ANXA1: variants seen among roughly 807,000 people sequenced by gnomAD.
ANXA1 encodes annexin A1, also known as annexin I (lipocortin I).
Under a neutral mutation model 47.9 loss-of-function variants are expected in ANXA1, and 39 were observed. That is an observed-to-expected ratio of 0.81 (90% confidence interval 0.63 to 1.06). The LOEUF is 1.06. Ranked by LOEUF, ANXA1 falls within the 50% of genes least tolerant of loss-of-function variation. The pLI is 0.00. For synonymous variants in ANXA1, 146 were observed against 142.5 expected (o/e 1.02, Z -0.17); for missense variants, 446 against 422.7 (o/e 1.06, Z -0.48).
intron 8 of ANXA1, 25 bp from the exon 9 acceptor site, chr9:73,165,091 T>G (rs1390923025): frequency 6.4e-7 from 1 of 1,564,366 alleles, no homozygotes; most frequent in South Asian, 1.1e-5. Context: ...GATAGTGAAG[T>G]GTTTACTTTT....
In ANXA1 at chr9:73,162,829, G is replaced by A. The variant is rs1353862037; in HGVS notation, c.523G>A (p.Asp175Asn). The change falls in exon 7 of 13, where the codon GAT (aspartate) becomes AAT (asparagine). Residue 175 changes from aspartate to asparagine, a missense_variant. Physicochemically the swap from Asp to Asn is conservative, Grantham distance 23. Transcript: ENST00000257497. ...AGACATAACCTCAGACACATCTGGAGATTTTCGGAACGCTTTGCTTTCTCT... is the reference window on the plus strand; with the variant it reads ...AGACATAACCTCAGACACATCTGGAAATTTTCGGAACGCTTTGCTTTCTCT... The part of the protein sequence containing the change: ...AKDITSDTSG[D>N]FRNALLSLAK... The A allele has an allele frequency of 3.1e-6, 5 of 1,613,208 alleles. No individual in the cohort carries two copies. The highest frequency in any genetic ancestry group is 4.2e-6 in the Non-Finnish European group (5 of 1,179,492).
At chr9:73,161,141 T>A (rs1824136279) in intron 6 of ANXA1, among the ~76,000 whole-genome samples, 1 of 152,172 alleles carries the variant, frequency 6.6e-6, no homozygotes, top group Non-Finnish European at 1.5e-5. Context: ...AATGTTCCTC[T>A]AGGATAAATG....
chr9:73,155,375 A>T (rs901837568), intron 1 of ANXA1, among the ~76,000 whole-genome samples: 1 of 152,226 alleles, frequency 6.6e-6, no homozygotes, highest in African/African-American at 2.4e-5. Flanking sequence ...ACAAACAAAA[A>T]GATAGAAAAA....
chr9:73,153,451 C>T lies in ANXA1; in HGVS notation c.-15+1527C>T, dbSNP rs960045442. Among the ~76,000 whole-genome samples the T allele has an allele frequency of 4.6e-5, 7 of 152,116 alleles. No homozygotes were observed. In the South Asian group the frequency reaches 1.4e-3, roughly 31 times the overall value. Reference sequence around the variant, plus strand: ...TCAGAACAATCCAATTTATATAATGCCTTCCTTCATTATGCTAATTTTCTT... The same window carrying T: ...TCAGAACAATCCAATTTATATAATGTCTTCCTTCATTATGCTAATTTTCTT... On this transcript the variant is annotated intron_variant, in intron 1 of 12. Coordinates refer to ENST00000257497, the MANE Select transcript of ANXA1 (RefSeq NM_000700.3).
intron 7 of ANXA1, among the ~76,000 whole-genome samples, chr9:73,163,103 T>C (rs893375059): frequency 1.3e-5 from 2 of 152,106 alleles, no homozygotes; most frequent in East Asian, 1.9e-4. Flanking sequence ...AGAGACCACA[T>C]GGCAAGAAAG....
chr9:73,169,987 G>A, intron 12 of ANXA1, 64 bp from the exon 13 acceptor site: 1 of 1,237,830 alleles, frequency 8.1e-7, no homozygotes, highest in Admixed American at 2.2e-5. Context: ...TCTTCTATAA[G>A]TAAAAAAAAA....
At chr9:73,162,430 C>G (rs971628588) in intron 6 of ANXA1, among the ~76,000 whole-genome samples, 5 of 152,114 alleles carry the variant, frequency 3.3e-5, no homozygotes. Flanking sequence ...TTCTTTTAAA[C>G]AATTATTTTA....
chr9:73,153,247 G>T (rs60403232), intron 1 of ANXA1, among the ~76,000 whole-genome samples: 2 of 152,114 alleles, frequency 1.3e-5, no homozygotes, highest in Non-Finnish European at 2.9e-5. Flanking sequence ...CAACCAGAAG[G>T]TCTGCAAAGG....
intron 6 of ANXA1, 35 bp from the exon 7 acceptor site, chr9:73,162,747 G>A: frequency 1.3e-6 from 2 of 1,499,602 alleles, no homozygotes; most frequent in Non-Finnish European, 1.8e-6. Flanking sequence ...ATTCATCACT[G>A]GTTTACTATA....
chr9:73,159,068 AG>A (rs1323727574), intron 3 of ANXA1, among the ~76,000 whole-genome samples: 4 of 152,234 alleles, frequency 2.6e-5, no homozygotes, highest in Non-Finnish European at 5.9e-5. Context: ...GTTCACATAT[AG>A]AGTTGCAACT....
intron 10 of ANXA1, among the ~76,000 whole-genome samples, chr9:73,166,437 T>G (rs1824230994): frequency 6.6e-6 from 1 of 152,054 alleles, no homozygotes; most frequent in Admixed American, 6.6e-5. Context: ...GAGCACCTAC[T>G]TATATCAAAC....
At chr9:73,159,255 C>T in intron 3 of ANXA1, 74 bp from the exon 4 acceptor site, 1 of 1,173,752 alleles carries the variant, frequency 8.5e-7, no homozygotes, top group Non-Finnish European at 1.3e-6. Flanking sequence ...TGGAGCATCT[C>T]AGTAATGAAT....
chr9:73,169,470 T>G (rs1018561839), intron 12 of ANXA1, among the ~76,000 whole-genome samples: 2 of 152,144 alleles, frequency 1.3e-5, no homozygotes, highest in Non-Finnish European at 2.9e-5. Context: ...GCCATTAATA[T>G]TTGTCAGAGG....
At chr9:73,157,890 T>C (rs1202359985) in intron 1 of ANXA1, 1 of 152,148 alleles carries the variant, frequency 6.6e-6, no homozygotes, top group Non-Finnish European at 1.5e-5. Context: ...CCCATTAATG[T>C]TTTCCCAAAG....
At chr9:73,156,150 TAA>T (rs199545693) in intron 1 of ANXA1, among the ~76,000 whole-genome samples, 18 of 112,008 alleles carry the variant, frequency 1.6e-4, no homozygotes, top group African/African-American at 9.2e-4. Context: ...ATAAATAATA[TAA>T]ATAAATAAAT....
intron 1 of ANXA1, among the ~76,000 whole-genome samples, chr9:73,152,189 A>G (rs1823983084): frequency 6.6e-6 from 1 of 152,216 alleles, no homozygotes. Context: ...TTGGTAAGTT[A>G]CCATGAGAAA....
In ANXA1 at chr9:73,157,895, C is replaced by T. The variant is rs796758902; in HGVS notation, c.-14-627C>T. The T allele has an allele frequency of 1.1e-4, 17 of 152,210 alleles. 2 individuals carry two copies. Among genetic ancestry groups the T allele is most frequent in the African/African-American group, 4.1e-4 (17 of 41,530 alleles). The allele number at this position is 152,210 out of a possible 1,614,324, so 9.4% of individuals were successfully genotyped here. ...CAAAAAGAAACCCATTAATGTTTTCCCAAAGCTTTGTGGACACATTGAAGC... is the reference window on the plus strand; with the variant it reads ...CAAAAAGAAACCCATTAATGTTTTCTCAAAGCTTTGTGGACACATTGAAGC... On this transcript the variant is annotated intron_variant, in intron 1 of 12. Transcript: ENST00000257497.
chr9:73,168,908 T>TGTGTGTGTGTGTGTGG, intron 11 of ANXA1, 124 bp from the exon 12 acceptor site: 1 of 731,646 alleles, frequency 1.4e-6, no homozygotes, highest in South Asian at 1.7e-5. Context: ...TGTGTGTGTG[T>TGTGTGTGTGTGTGTGG]GTGTATAGCT....
At chr9:73,163,629 G>A in intron 8 of ANXA1, 97 bp downstream of exon 8, 1 of 1,260,908 alleles carries the variant, frequency 7.9e-7, no homozygotes, top group Non-Finnish European at 1.1e-6. Flanking sequence ...AAGATCTTCT[G>A]AGAGACCAAT....
Sources: allele counts gnomAD v4.1 joint callset (sites outside exome capture counted in the v4.1 genomes callset), GRCh38; gene constraint gnomAD v4.1.1; transcripts MANE v1.5; gene names NCBI Gene and HGNC (gene_info 2026-07-23, HGNC 2026-07-21).